MAPK10: variants seen among roughly 807,000 people sequenced by gnomAD.
MAPK10 encodes JNK3 alpha protein kinase.
In MAPK10, 25 loss-of-function variants were observed where a neutral mutation model predicts 59.3. That is an observed-to-expected ratio of 0.42 (90% CI 0.31 to 0.59). The LOEUF (loss-of-function observed/expected upper bound fraction) is 0.59, where lower values mean the gene tolerates loss of function less well. Ranked by LOEUF, MAPK10 falls within the 20% of genes least tolerant of loss-of-function variation. The probability of loss-of-function intolerance (pLI) is 0.15; values close to 1 mark genes in which losing one functional copy is unlikely to be tolerated. For synonymous variants in MAPK10, 190 were observed against 200.5 expected (o/e 0.95, Z 0.44); for missense variants, 351 against 568.9 (o/e 0.62, Z 3.90).
chr4:86,471,888 C>T (rs1047035240), intron 1 of MAPK10, among the ~76,000 whole-genome samples: 6 of 151,940 alleles, frequency 3.9e-5, no homozygotes, highest in African/African-American at 9.7e-5. Context: ...TGAAACTCAG[C>T]GTAACCCAAA....
intron 11 of MAPK10, among the ~76,000 whole-genome samples, chr4:86,033,790 C>T (rs530352958): frequency 1.3e-5 from 2 of 152,226 alleles, no homozygotes; most frequent in South Asian, 2.1e-4. Context: ...AGAGGAAATG[C>T]GAATGTCACC....
intron 11 of MAPK10, 122 bp from the exon 12 acceptor site, chr4:86,031,553 A>T (rs2039024174): frequency 6.1e-6 from 4 of 656,862 alleles, no homozygotes; most frequent in African/African-American, 1.8e-5. Flanking sequence ...ATAAGTTATG[A>T]GGAAATTACA....
chr4:86,468,026 C>T (rs1229420025), intron 1 of MAPK10, among the ~76,000 whole-genome samples: 2 of 152,190 alleles, frequency 1.3e-5, no homozygotes, highest in Non-Finnish European at 2.9e-5. Context: ...GCCGGTCGGC[C>T]AGAACAAAAT....
At chr4:86,137,224 G>A (rs1029479748) in intron 4 of MAPK10, among the ~76,000 whole-genome samples, 2 of 151,870 alleles carry the variant, frequency 1.3e-5, no homozygotes, top group African/African-American at 4.9e-5. Context: ...CTAATCAACA[G>A]AATATACATT....
At chr4:86,118,218 G>A (rs980976269) in intron 4 of MAPK10, among the ~76,000 whole-genome samples, 2 of 152,172 alleles carry the variant, frequency 1.3e-5, no homozygotes, top group Non-Finnish European at 2.9e-5. Flanking sequence ...CATTGATGCG[G>A]TACAGTCACA....
intron 9 of MAPK10, among the ~76,000 whole-genome samples, chr4:86,097,303 G>A (rs2054423722): frequency 6.6e-6 from 1 of 152,004 alleles, no homozygotes; most frequent in Non-Finnish European, 1.5e-5. Flanking sequence ...GGATTTTAGA[G>A]ACTATCTCAT....
intron 1 of MAPK10, among the ~76,000 whole-genome samples, chr4:86,434,931 C>T (rs973938850): frequency 6.6e-6 from 1 of 152,156 alleles, no homozygotes; most frequent in African/African-American, 2.4e-5. Context: ...AAAATATGAT[C>T]TATATACACA....
chr4:86,573,220 A>G (rs1761602397), intron 1 of MAPK10, among the ~76,000 whole-genome samples: 1 of 152,218 alleles, frequency 6.6e-6, no homozygotes, highest in African/African-American at 2.4e-5. Context: ...CAAAGGTCAC[A>G]AAGAATTTCC....
chr4:86,456,631 C>T (rs1049033453), upstream of MAPK10, among the ~76,000 whole-genome samples: 2 of 151,990 alleles, frequency 1.3e-5, no homozygotes, highest in Admixed American at 6.6e-5. Flanking sequence ...TCTGAACAGA[C>T]CAATAACAAA....
Position 86,144,744 on chromosome 4 carries a change from G to C in MAPK10, c.236+14554C>G, listed in dbSNP as rs2149189915. Among the ~76,000 whole-genome samples, 3 of 152,172 alleles carry C rather than the reference G, an allele frequency of 2.0e-5. No individual in the cohort carries two copies. In the Middle Eastern group the frequency reaches 0.01, roughly 518 times the overall value. On this transcript the variant is annotated intron_variant, in intron 4 of 13. Coordinates refer to ENST00000641462, the MANE Select transcript of MAPK10 (RefSeq NM_138982.4). ...GATAACATCTGTCTTTTATAATATT[G>C]CACTGAATGGAGTGAAGGAGACATG...
At chr4:86,114,012 G>A (rs2057937510) in intron 4 of MAPK10, among the ~76,000 whole-genome samples, 2 of 152,100 alleles carry the variant, frequency 1.3e-5, no homozygotes, top group African/African-American at 2.4e-5. Context: ...TTTGGCTATT[G>A]ATACTTGTGG....
At chr4:86,068,958 T>C (rs928909968) in intron 9 of MAPK10, among the ~76,000 whole-genome samples, 1 of 152,168 alleles carries the variant, frequency 6.6e-6, no homozygotes, top group African/African-American at 2.4e-5. Flanking sequence ...TTAAATCCAA[T>C]ACTGCAAGCA....
At chr4:86,135,906 G>C (rs1027718033) in intron 4 of MAPK10, among the ~76,000 whole-genome samples, 1 of 152,138 alleles carries the variant, frequency 6.6e-6, no homozygotes, top group African/African-American at 2.4e-5. Flanking sequence ...CTCAGGAGCC[G>C]ATACGATCAA....
intron 1 of MAPK10, among the ~76,000 whole-genome samples, chr4:86,442,135 C>G (rs1409505034): frequency 6.6e-6 from 1 of 152,102 alleles, no homozygotes; most frequent in Non-Finnish European, 1.5e-5. Context: ...TGGCATTTTT[C>G]AAATAAAATG....
intron 1 of MAPK10, among the ~76,000 whole-genome samples, chr4:86,499,207 C>T (rs972222598): frequency 2.0e-5 from 3 of 152,172 alleles, no homozygotes; most frequent in Non-Finnish European, 2.9e-5. Context: ...CACAGAGACA[C>T]ACACTCATAT....
intron 3 of MAPK10, among the ~76,000 whole-genome samples, chr4:86,162,397 T>C (rs2149237267): frequency 6.6e-6 from 1 of 152,158 alleles, no homozygotes; most frequent in South Asian, 2.1e-4. Flanking sequence ...TATTTTGAGA[T>C]AATTATCCTT....
At chr4:86,178,047 G>A (rs2076077989) in intron 3 of MAPK10, among the ~76,000 whole-genome samples, 1 of 151,926 alleles carries the variant, frequency 6.6e-6, no homozygotes, top group South Asian at 2.1e-4. Context: ...TTTAACTGAA[G>A]GCTAATTTTG....
chr4:86,200,943 T>C (rs2149330687), intron 2 of MAPK10, among the ~76,000 whole-genome samples: 1 of 152,054 alleles, frequency 6.6e-6, no homozygotes, highest in African/African-American at 2.4e-5. Flanking sequence ...CTAAATCTTA[T>C]TGCTTCAATC....
chr4:86,041,982 T>C (rs1560889835), intron 11 of MAPK10, among the ~76,000 whole-genome samples: 1 of 152,286 alleles, frequency 6.6e-6, no homozygotes, highest in East Asian at 1.9e-4. Flanking sequence ...ATCCGAAGGA[T>C]TCTAAATTAT....
Sources: allele counts gnomAD v4.1 joint callset (sites outside exome capture counted in the v4.1 genomes callset), GRCh38; gene constraint gnomAD v4.1.1; transcripts MANE v1.5; gene names NCBI Gene and HGNC (gene_info 2026-07-23, HGNC 2026-07-21).